The following THSD7B variants were observed in gnomAD, a reference collection of about 807,000 sequenced individuals.
The protein encoded by THSD7B is thrombospondin type 1 domain containing 7B, also known as thrombospondin type-1 domain-containing protein 7B.
A neutral mutation model predicts 213.6 loss-of-function variants in THSD7B; 138 were observed. That is an observed-to-expected ratio of 0.65 (90% CI 0.56 to 0.74). The LOEUF (loss-of-function observed/expected upper bound fraction) is 0.74. THSD7B is among the 30% of genes least tolerant of loss of function. THSD7B has a pLI of 0.00. For missense variants in THSD7B, 1,931 were observed against 1,991.5 expected, an observed-to-expected ratio of 0.97 and a Z score of 0.58; for synonymous variants, 742 against 687.0, an observed-to-expected ratio of 1.08 and a Z score of -1.25.
At position 137,242,330 on chromosome 2, in the gene THSD7B, T is replaced by C. The variant is rs1681927965; in HGVS notation, c.2151-127T>C. On this transcript the variant is annotated intron_variant, in intron 9 of 27. Transcript: ENST00000409968. The stretch of plus-strand genomic sequence containing the variant: ...GGGCAAGTAGCTTCACCTCCAGGAG[T>C]CTCTCTTCCCTCACCTATTAAGGGA... 4 of 644,308 alleles carry C rather than the reference T, an allele frequency of 6.2e-6. No homozygotes were observed. In the Admixed American group the frequency reaches 1.2e-4, roughly 19 times the overall value. The allele number at this position is 644,308 out of a possible 1,614,324, so 39.9% of individuals were successfully genotyped here.
At chr2:137,578,580 A>G (rs142367577) in intron 17 of THSD7B, among the ~76,000 whole-genome samples, 2 of 152,338 alleles carry the variant, frequency 1.3e-5, no homozygotes, top group African/African-American at 4.8e-5. Flanking sequence ...AAGACAAACC[A>G]CAGAAAGACC....
At chr2:136,830,982 C>T (rs1682744022) in intron 1 of THSD7B, among the ~76,000 whole-genome samples, 1 of 152,074 alleles carries the variant, frequency 6.6e-6, no homozygotes, top group East Asian at 1.9e-4. Flanking sequence ...ATATGTGGAT[C>T]AATTATAAAT....
chr2:136,875,508 T>A (rs1683513306), intron 1 of THSD7B, among the ~76,000 whole-genome samples: 2 of 152,090 alleles, frequency 1.3e-5, no homozygotes, highest in Admixed American at 1.3e-4. Flanking sequence ...GGAGTAAAAG[T>A]CCAAAATTGA....
chr2:136,921,232 A>G (rs1020528247), intron 2 of THSD7B, among the ~76,000 whole-genome samples: 3 of 151,858 alleles, frequency 2.0e-5, no homozygotes, highest in African/African-American at 7.3e-5. Flanking sequence ...AAAAAAAAAA[A>G]AAAAAACCAC....
Position 136,931,040 on chromosome 2 carries a change from A to G in THSD7B, c.139+48723A>G, listed in dbSNP as rs920274005. Among the ~76,000 whole-genome samples the G allele has an allele frequency of 2.6e-5, 4 of 152,042 alleles. No individual in the cohort carries two copies. In the East Asian group the frequency reaches 5.8e-4, roughly 22 times the overall value. ...CTGATTGTTCTGGTTAGAAAAAGCC[A>G]TTTTTCTTCTAGTCACGAGGCCATA... On this transcript the variant is annotated intron_variant, in intron 2 of 27. Coordinates refer to ENST00000409968, the MANE Select transcript of THSD7B (RefSeq NM_001316349.2).
At chr2:137,314,064 A>C (rs1457862811) in intron 12 of THSD7B, among the ~76,000 whole-genome samples, 1 of 152,092 alleles carries the variant, frequency 6.6e-6, no homozygotes, top group Non-Finnish European at 1.5e-5. Flanking sequence ...GCTTTGCTAG[A>C]TTGGGGAAGT....
intron 15 of THSD7B, among the ~76,000 whole-genome samples, chr2:137,485,409 G>A (rs1688412136): frequency 6.6e-6 from 1 of 152,098 alleles, no homozygotes; most frequent in Non-Finnish European, 1.5e-5. Context: ...GTAACATGCT[G>A]TTTTGGTTAC....
At chr2:137,402,968 AT>A (rs1437988251) in intron 12 of THSD7B, among the ~76,000 whole-genome samples, 1 of 152,198 alleles carries the variant, frequency 6.6e-6, no homozygotes, top group African/African-American at 2.4e-5. Flanking sequence ...TAAATTGGTT[AT>A]CTAAACAAGC....
intron 1 of THSD7B, among the ~76,000 whole-genome samples, chr2:136,816,582 A>C (rs1415518723): frequency 6.6e-6 from 1 of 152,238 alleles, no homozygotes; most frequent in African/African-American, 2.4e-5. Context: ...GGGACAAACA[A>C]ACTTCATCCT....
chr2:137,589,070 G>A (rs183767862), intron 17 of THSD7B, among the ~76,000 whole-genome samples: 130 of 152,234 alleles, frequency 8.5e-4, no homozygotes, highest in Non-Finnish European at 1.4e-3. Flanking sequence ...GTGAGCCACC[G>A]CACCTGGCCA....
chr2:137,505,452 A>G (rs543825402), intron 15 of THSD7B, among the ~76,000 whole-genome samples: 2 of 152,178 alleles, frequency 1.3e-5, no homozygotes, highest in South Asian at 4.1e-4. Context: ...ACATTTGTGG[A>G]TTCATTGCTG....
At chr2:137,242,202 T>C (rs1681924231) in intron 9 of THSD7B, among the ~76,000 whole-genome samples, 1 of 152,092 alleles carries the variant, frequency 6.6e-6, no homozygotes, top group East Asian at 1.9e-4. Context: ...CTTTCATTGG[T>C]TTCAGAGGTT....
chr2:136,969,545 A>T (rs550923873), intron 2 of THSD7B, among the ~76,000 whole-genome samples: 1 of 152,156 alleles, frequency 6.6e-6, no homozygotes, highest in East Asian at 1.9e-4. Context: ...AATTCATCCT[A>T]TGTATTTTCC....
At chr2:137,643,401 C>T (rs1682973520) in intron 21 of THSD7B, among the ~76,000 whole-genome samples, 2 of 152,122 alleles carry the variant, frequency 1.3e-5, no homozygotes, top group African/African-American at 4.8e-5. Flanking sequence ...GTTTAGTGTT[C>T]CTGTCAGGAT....
chr2:137,072,402 T>C (rs1382052874), intron 3 of THSD7B, among the ~76,000 whole-genome samples: 2 of 149,470 alleles, frequency 1.3e-5, no homozygotes, highest in Non-Finnish European at 3.0e-5. Context: ...GATTTGGCTC[T>C]CTGTCTGTTA....
At chr2:137,185,670 C>G (rs1391246977) in intron 7 of THSD7B, among the ~76,000 whole-genome samples, 1 of 152,082 alleles carries the variant, frequency 6.6e-6, no homozygotes, top group Non-Finnish European at 1.5e-5. Flanking sequence ...GATTCTATGT[C>G]TCTGCTATTG....
chr2:137,376,980 A>T (rs961562852), intron 12 of THSD7B, among the ~76,000 whole-genome samples: 1 of 152,226 alleles, frequency 6.6e-6, no homozygotes, highest in Non-Finnish European at 1.5e-5. Context: ...CTCATTTAAA[A>T]GGGGAGTTAG....
At chr2:137,535,950 G>A (rs1680497290) in intron 15 of THSD7B, among the ~76,000 whole-genome samples, 2 of 151,134 alleles carry the variant, frequency 1.3e-5, no homozygotes, top group African/African-American at 4.9e-5. Context: ...GAGTGGATAA[G>A]GTACAGGGAG....
chr2:137,264,126 C>T (rs144654499), intron 10 of THSD7B, among the ~76,000 whole-genome samples: 23 of 152,240 alleles, frequency 1.5e-4, no homozygotes, highest in African/African-American at 5.5e-4. Flanking sequence ...ATGATGACAA[C>T]ACTGTATGTG....
Sources: allele counts gnomAD v4.1 joint callset (sites outside exome capture counted in the v4.1 genomes callset), GRCh38; gene constraint gnomAD v4.1.1; transcripts MANE v1.5; gene names NCBI Gene and HGNC (gene_info 2026-07-23, HGNC 2026-07-21).